PTPRD: variants seen among roughly 807,000 people sequenced by gnomAD.
The protein encoded by PTPRD is receptor-type tyrosine-protein phosphatase delta.
PTPRD carries 34 observed loss-of-function variants against 214.5 expected under a neutral mutation model. That is an observed-to-expected ratio of 0.16 (90% CI 0.12 to 0.21). PTPRD has a LOEUF of 0.21. Among genes scored for constraint, PTPRD ranks in the 10% least tolerant of loss-of-function variants. PTPRD has a pLI of 1.00. For synonymous variants in PTPRD, 1,128 were observed against 845.7 expected (o/e 1.33, Z -5.79); for missense variants, 2,545 against 2,398.7 (o/e 1.06, Z -1.27).
chr9:9,777,702 C>T (rs2098809513), intron 5 of PTPRD, among the ~76,000 whole-genome samples: 1 of 151,638 alleles, frequency 6.6e-6, no homozygotes, highest in African/African-American at 2.4e-5. Context: ...ATCTCAACAA[C>T]AAAAACAAAA....
chr9:10,176,487 C>G (rs896082612), intron 3 of PTPRD, among the ~76,000 whole-genome samples: 6 of 151,978 alleles, frequency 3.9e-5, no homozygotes, highest in Admixed American at 3.3e-4. Flanking sequence ...AATCAATTAT[C>G]AGACCTGTAA....
intron 3 of PTPRD, among the ~76,000 whole-genome samples, chr9:10,250,721 C>G (rs1034448223): frequency 2.0e-5 from 3 of 151,750 alleles, no homozygotes; most frequent in Non-Finnish European, 4.4e-5. Flanking sequence ...GGTTCACTTC[C>G]CCAAGTATAT....
At chr9:9,881,580 A>G (rs970496431) in intron 5 of PTPRD, among the ~76,000 whole-genome samples, 5 of 152,168 alleles carry the variant, frequency 3.3e-5, no homozygotes, top group African/African-American at 1.2e-4. Context: ...CCAATTATAC[A>G]TGGAACTTTC....
rs1273982775 is a variant in PTPRD at position 9,161,605 on chromosome 9, G to A, written c.-143+21699C>T. Reference sequence around the variant, plus strand: ...ACTACAAAATAAAATACAATCCTGGGGGAGCAAATATTTAAAGATTCATGG... The same window carrying A: ...ACTACAAAATAAAATACAATCCTGGAGGAGCAAATATTTAAAGATTCATGG... On this transcript the variant is annotated intron_variant, in intron 10 of 45. Transcript: ENST00000381196. 2.0e-5 allele frequency among the ~76,000 whole-genome samples: 3 copies of A among 151,968 alleles called. No individual in the cohort carries two copies. In the East Asian group the frequency reaches 5.8e-4, roughly 29 times the overall value.
intron 2 of PTPRD, among the ~76,000 whole-genome samples, chr9:10,587,829 A>T (rs992483913): frequency 6.6e-6 from 1 of 152,052 alleles, no homozygotes; most frequent in African/African-American, 2.4e-5. Flanking sequence ...AGGAGTAGGT[A>T]TAAGGGCTGT....
intron 11 of PTPRD, among the ~76,000 whole-genome samples, chr9:8,809,143 A>T (rs190569722): frequency 6.6e-6 from 1 of 152,122 alleles, no homozygotes; most frequent in South Asian, 2.1e-4. Flanking sequence ...TGCCCATTCC[A>T]GCATCCTATA....
chr9:9,434,487 C>G (rs924283403), intron 8 of PTPRD, among the ~76,000 whole-genome samples: 1 of 152,096 alleles, frequency 6.6e-6, no homozygotes, highest in Non-Finnish European at 1.5e-5. Flanking sequence ...ATGCCAATGA[C>G]AATACCAACT....
At chr9:9,838,843 T>C in intron 5 of PTPRD, among the ~76,000 whole-genome samples, 1 of 152,200 alleles carries the variant, frequency 6.6e-6, no homozygotes, top group Middle Eastern at 3.2e-3. Context: ...TCCTTGCCCA[T>C]GCCTATGTCC....
chr9:10,256,495 T>C (rs567867612), intron 3 of PTPRD, among the ~76,000 whole-genome samples: 19 of 152,270 alleles, frequency 1.2e-4, no homozygotes, highest in African/African-American at 4.6e-4. Flanking sequence ...TATAATCTTA[T>C]GGGACCATTG....
chr9:8,704,315 T>C (rs1295575932), intron 12 of PTPRD, among the ~76,000 whole-genome samples: 4 of 151,964 alleles, frequency 2.6e-5, no homozygotes, highest in Non-Finnish European at 4.4e-5. Flanking sequence ...CTCAGTAATA[T>C]AATCTCAGTA....
At chr9:9,215,488 G>C (rs1474913083) in intron 9 of PTPRD, among the ~76,000 whole-genome samples, 1 of 152,116 alleles carries the variant, frequency 6.6e-6, no homozygotes, top group East Asian at 1.9e-4. Context: ...ATTACAATGG[G>C]TGGAAATTTC....
intron 3 of PTPRD, among the ~76,000 whole-genome samples, chr9:10,340,340 G>T (rs76740991): frequency 2.3e-3 from 352 of 151,918 alleles, no homozygotes; most frequent in African/African-American, 8.2e-3. Flanking sequence ...GCATATACAG[G>T]GTCAACCCAA....
chr9:9,998,315 G>A (rs1328377124), intron 4 of PTPRD, among the ~76,000 whole-genome samples: 2 of 150,734 alleles, frequency 1.3e-5, no homozygotes, highest in Non-Finnish European at 3.0e-5. Flanking sequence ...TCAAACCGTG[G>A]GTCCAGCAGC....
intron 11 of PTPRD, among the ~76,000 whole-genome samples, chr9:8,980,553 T>C (rs1257788426): frequency 6.6e-6 from 1 of 152,114 alleles, no homozygotes; most frequent in Non-Finnish European, 1.5e-5. Flanking sequence ...ATTAGGTTTC[T>C]AGAAATTTTA....
chr9:9,682,875 C>T (rs1327412379), intron 7 of PTPRD, among the ~76,000 whole-genome samples: 1 of 151,676 alleles, frequency 6.6e-6, no homozygotes, highest in South Asian at 2.1e-4. Context: ...CTCATATTTA[C>T]AGGGAAAAAG....
chr9:8,892,673 GTATATATATATGAGTGTA>G (rs1394376201), intron 11 of PTPRD, among the ~76,000 whole-genome samples: 4 of 115,242 alleles, frequency 3.5e-5, no homozygotes, highest in Non-Finnish European at 7.1e-5. Flanking sequence ...ATATATATGT[GTATATATATATGAGTGTA>G]TATATATATA....
At chr9:8,753,905 G>C (rs997361412) in intron 11 of PTPRD, among the ~76,000 whole-genome samples, 1 of 152,118 alleles carries the variant, frequency 6.6e-6, no homozygotes, top group African/African-American at 2.4e-5. Flanking sequence ...AGCACTTTAG[G>C]AGGCTGAGGA....
chr9:9,658,604 C>G (rs1007246786), intron 7 of PTPRD, among the ~76,000 whole-genome samples: 30 of 152,104 alleles, frequency 2.0e-4, no homozygotes, highest in African/African-American at 6.5e-4. Flanking sequence ...TCAGACAGAT[C>G]TGGTTCTTTT....
chr9:10,073,211 A>G (rs1316452708), intron 3 of PTPRD, among the ~76,000 whole-genome samples: 1 of 152,056 alleles, frequency 6.6e-6, no homozygotes, highest in Non-Finnish European at 1.5e-5. Flanking sequence ...TGGGATATAT[A>G]TATAGTTGTG....
Sources: allele counts gnomAD v4.1 joint callset (sites outside exome capture counted in the v4.1 genomes callset), GRCh38; gene constraint gnomAD v4.1.1; transcripts MANE v1.5; gene names NCBI Gene and HGNC (gene_info 2026-07-23, HGNC 2026-07-21).